UBE2D2: variants seen among roughly 807,000 people sequenced by gnomAD.
UBE2D2 encodes the protein ubiquitin-conjugating enzyme E2 D2.
Under a neutral mutation model 24.2 loss-of-function variants are expected in UBE2D2, and 2 were observed. The ratio of observed to expected loss-of-function variants is 0.08; its 90% CI spans 0.03 to 0.26. UBE2D2 has a LOEUF of 0.26. UBE2D2 is among the 10% of genes least tolerant of loss of function. UBE2D2 has a pLI of 1.00. For missense variants in UBE2D2, 44 were observed against 177.6 expected, an observed-to-expected ratio of 0.25 and a Z score of 4.28; for synonymous variants, 58 against 56.5, an observed-to-expected ratio of 1.03 and a Z score of -0.12.
intron 1 of UBE2D2, among the ~76,000 whole-genome samples, chr5:139,590,975 G>T (rs1192895338): frequency 6.6e-6 from 1 of 151,068 alleles, no homozygotes; most frequent in Non-Finnish European, 1.5e-5. Flanking sequence ...TGCATTTTTA[G>T]TAGAGAGGGG....
rs542922686 is a variant in UBE2D2 at position 139,529,107 on chromosome 5, A to T, written c.-64+2495A>T. ...CATCAGGTCACTGAGGTAGGACAAA[A>T]GATTGCTACAGTCATATTATTTTAT... On this transcript the variant is annotated intron_variant, in intron 1 of 6. Coordinates refer to the UBE2D2 transcript ENST00000511725. Among the ~76,000 whole-genome samples the T allele has an allele frequency of 4.6e-4, 70 of 152,330 alleles. No homozygotes were observed. The South Asian group carries it at 5.0e-3, about 11-fold the overall frequency.
At chr5:139,536,995 T>G (rs529954305) in intron 1 of UBE2D2, among the ~76,000 whole-genome samples, 1 of 151,792 alleles carries the variant, frequency 6.6e-6, no homozygotes, top group African/African-American at 2.4e-5. Context: ...CTGGCTAACA[T>G]GGTGAAACCC....
chr5:139,592,366 T>G (rs1323804839), intron 1 of UBE2D2, among the ~76,000 whole-genome samples: 2 of 152,154 alleles, frequency 1.3e-5, no homozygotes, highest in Non-Finnish European at 2.9e-5. Context: ...TCTCTGATGC[T>G]TTTTAACTCA....
intron 1 of UBE2D2, among the ~76,000 whole-genome samples, chr5:139,571,929 TAA>T (rs929394700): frequency 8.0e-5 from 11 of 137,258 alleles, no homozygotes; most frequent in Admixed American, 7.4e-5. Flanking sequence ...TTTTCCCCTA[TAA>T]AAAAAAAAAA....
intron 1 of UBE2D2, among the ~76,000 whole-genome samples, chr5:139,567,232 T>A (rs1446115273): frequency 6.6e-6 from 1 of 152,006 alleles, no homozygotes; most frequent in Non-Finnish European, 1.5e-5. Context: ...CCCGAGCAGC[T>A]GAGACTACAA....
chr5:139,574,320 A>G (rs1753421473), intron 1 of UBE2D2, among the ~76,000 whole-genome samples: 1 of 151,600 alleles, frequency 6.6e-6, no homozygotes, highest in South Asian at 2.1e-4. Flanking sequence ...GAAAAATATT[A>G]CTGTCTTTAT....
At chr5:139,582,923 G>T (rs1403296060) in intron 1 of UBE2D2, among the ~76,000 whole-genome samples, 1 of 151,126 alleles carries the variant, frequency 6.6e-6, no homozygotes, top group Non-Finnish European at 1.5e-5. Context: ...GCCCGCCTCG[G>T]CCTCCCAAAG....
intron 2 of UBE2D2, among the ~76,000 whole-genome samples, chr5:139,604,131 T>G (rs1754142723): frequency 6.6e-6 from 1 of 152,004 alleles, no homozygotes; most frequent in Non-Finnish European, 1.5e-5. Context: ...ATCCAGTATA[T>G]TTTTAAAACT....
chr5:139,620,867 A>G (rs1213222262), intron 5 of UBE2D2, among the ~76,000 whole-genome samples: 2 of 152,234 alleles, frequency 1.3e-5, no homozygotes, highest in African/African-American at 2.4e-5. Flanking sequence ...AGAAGGATTT[A>G]AATTTATTTT....
intron 1 of UBE2D2, among the ~76,000 whole-genome samples, chr5:139,564,795 A>G (rs1267830169): frequency 1.3e-5 from 2 of 152,070 alleles, no homozygotes; most frequent in Non-Finnish European, 2.9e-5. Flanking sequence ...ATTTTCCCCT[A>G]GTTTATTCCC....
chr5:139,601,823 C>A (rs1238704275), intron 2 of UBE2D2, among the ~76,000 whole-genome samples: 3 of 149,954 alleles, frequency 2.0e-5, no homozygotes. Context: ...AGGCAGACAA[C>A]TGCTTGAATC....
chr5:139,543,861 C>G (rs1752788645), intron 1 of UBE2D2, among the ~76,000 whole-genome samples: 2 of 152,152 alleles, frequency 1.3e-5, no homozygotes, highest in African/African-American at 4.8e-5. Flanking sequence ...GGAGTAGGCA[C>G]AATTTGCATG....
chr5:139,619,787 C>T (rs1281602880), intron 5 of UBE2D2, among the ~76,000 whole-genome samples: 2 of 151,854 alleles, frequency 1.3e-5, no homozygotes, highest in African/African-American at 2.4e-5. Context: ...CGCTTGAACC[C>T]GGGAGGCGGA....
intron 1 of UBE2D2, chr5:139,562,524 G>A (rs1013426105): frequency 9.3e-7 from 1 of 1,079,438 alleles, no homozygotes; most frequent in Non-Finnish European, 1.2e-6. Flanking sequence ...TAGAAAAGCT[G>A]TACATTGGCA....
chr5:139,545,584 C>A (rs575793557), intron 1 of UBE2D2, among the ~76,000 whole-genome samples: 1 of 152,020 alleles, frequency 6.6e-6, no homozygotes, highest in African/African-American at 2.4e-5. Context: ...ACCCACCATG[C>A]CCAGCTAATT....
rs771197656 is a variant in UBE2D2, at chr5:139,561,745, C to G, written c.-47C>G. The G allele has an allele frequency of 2.1e-6, 3 of 1,410,816 alleles. No individual in the cohort carries two copies. Among genetic ancestry groups the G allele is most frequent in the African/African-American group, 3.0e-5 (2 of 65,952 alleles). 87.4% of individuals were successfully genotyped at this position (1,410,816 alleles called of 1,614,324 possible). On this transcript the variant is annotated 5_prime_UTR_variant, in exon 1 of 7. Coordinates refer to ENST00000398733, the MANE Select transcript of UBE2D2 (RefSeq NM_003339.3). ...TCCCTAGCCCCTTCCCCGTCCCTTCCCCGCCCCCGTCCCCGCCCCGGGGGC... is the reference window on the plus strand; with the variant it reads ...TCCCTAGCCCCTTCCCCGTCCCTTCGCCGCCCCCGTCCCCGCCCCGGGGGC...
chr5:139,583,018 G>A (rs1349152560), intron 1 of UBE2D2, among the ~76,000 whole-genome samples: 4 of 146,192 alleles, frequency 2.7e-5, no homozygotes, highest in Admixed American at 6.9e-5. Flanking sequence ...TTTGTCGCCC[G>A]GGCTGGAGTG....
intron 1 of UBE2D2, among the ~76,000 whole-genome samples, chr5:139,597,568 A>C (rs1009313455): frequency 6.6e-6 from 1 of 152,236 alleles, no homozygotes; most frequent in South Asian, 2.1e-4. Flanking sequence ...ACTCAGTTTG[A>C]AAGGGGCAAA....
chr5:139,607,409 T>C (rs539473481), intron 2 of UBE2D2, among the ~76,000 whole-genome samples: 13 of 152,328 alleles, frequency 8.5e-5, no homozygotes, highest in African/African-American at 3.1e-4. Flanking sequence ...CCATAAAGAT[T>C]ATTTGTCTTG....
Sources: allele counts gnomAD v4.1 joint callset (sites outside exome capture counted in the v4.1 genomes callset), GRCh38; gene constraint gnomAD v4.1.1; transcripts MANE v1.5; gene names NCBI Gene and HGNC (gene_info 2026-07-23, HGNC 2026-07-21).